The following STK24 variants were observed in gnomAD, a reference collection of about 807,000 sequenced individuals.
STK24 encodes the protein serine/threonine-protein kinase 24.
A neutral mutation model predicts 55.6 loss-of-function variants in STK24; 21 were observed. The observed-to-expected ratio is 0.38, with a 90% CI of 0.27 to 0.54. STK24 has a LOEUF of 0.54. Among genes scored for constraint, STK24 ranks in the 20% least tolerant of loss-of-function variants. The pLI is 0.79. For synonymous variants in STK24, 200 were observed against 215.2 expected (o/e 0.93, Z 0.62); for missense variants, 383 against 538.4 (o/e 0.71, Z 2.86).
intron 1 of STK24, among the ~76,000 whole-genome samples, chr13:98,568,967 G>C (rs771336990): frequency 6.6e-6 from 1 of 152,144 alleles, no homozygotes; most frequent in Non-Finnish European, 1.5e-5. Flanking sequence ...AAAATGGAAG[G>C]GGGGAGGGGA....
At chr13:98,514,092 T>A (rs1411091485) in intron 2 of STK24, among the ~76,000 whole-genome samples, 6 of 152,356 alleles carry the variant, frequency 3.9e-5, no homozygotes, top group East Asian at 3.9e-4. Flanking sequence ...TGGGCAAGGC[T>A]GAGAATCACG....
intron 2 of STK24, 45 bp downstream of exon 2, chr13:98,519,198 A>G (rs750566472): frequency 1.3e-6 from 2 of 1,524,962 alleles, no homozygotes; most frequent in Non-Finnish European, 9.1e-7. Context: ...CTGGCACCTC[A>G]GCCAAGTGCT....
At chr13:98,499,887 C>T (rs1452880926) in intron 2 of STK24, among the ~76,000 whole-genome samples, 2 of 152,114 alleles carry the variant, frequency 1.3e-5, no homozygotes, top group South Asian at 2.1e-4. Flanking sequence ...GCAGAGAACA[C>T]GAAAAATTGA....
intron 10 of STK24, chr13:98,456,829 TACAC>T: frequency 2.4e-6 from 1 of 417,696 alleles, no homozygotes; most frequent in South Asian, 2.3e-5. Context: ...GATAGATAGT[TACAC>T]ACATCTGGCT....
intron 6 of STK24, among the ~76,000 whole-genome samples, chr13:98,465,145 G>A (rs989816295): frequency 6.6e-6 from 1 of 152,196 alleles, no homozygotes; most frequent in Non-Finnish European, 1.5e-5. Flanking sequence ...GGAACAGACA[G>A]CAGGAACACC....
At chr13:98,481,662 C>A (rs891868263) in intron 3 of STK24, among the ~76,000 whole-genome samples, 1 of 152,218 alleles carries the variant, frequency 6.6e-6, no homozygotes, top group African/African-American at 2.4e-5. Flanking sequence ...CCCAGCTGTT[C>A]TCAGTTGAGA....
At chr13:98,549,015 C>T (rs978651560) in intron 1 of STK24, among the ~76,000 whole-genome samples, 1 of 152,132 alleles carries the variant, frequency 6.6e-6, no homozygotes, top group Non-Finnish European at 1.5e-5. Flanking sequence ...GGTCATGAGG[C>T]CTCCTGCAAT....
At position 98,576,880 on chromosome 13, in the gene STK24, G is replaced by A; in HGVS notation, c.-94C>T. 1 of 866,730 alleles carries A rather than the reference G, an allele frequency of 1.2e-6. No homozygotes were observed. The highest frequency in any genetic ancestry group is 1.4e-6 in the Non-Finnish European group (1 of 723,792). The allele number at this position is 866,730 out of a possible 1,614,324, so 53.7% of individuals were successfully genotyped here. On this transcript the variant is annotated 5_prime_UTR_variant, in exon 1 of 11. Transcript: ENST00000539966. ...CCCGCGGGCCGCGCGCAGCCCTCGG[G>A]CGGCGGGGCCGGCCGGAGCCCGAGG...
chr13:98,561,977 CA>C (rs10564690), intron 1 of STK24, among the ~76,000 whole-genome samples: 1,356 of 53,624 alleles, frequency 0.025, 4 homozygotes, highest in African/African-American at 0.083. Flanking sequence ...GACTCCGTCT[CA>C]AAAAAAAAAA....
intron 5 of STK24, among the ~76,000 whole-genome samples, chr13:98,470,891 TAATC>T (rs1894118755): frequency 1.3e-5 from 2 of 152,374 alleles, no homozygotes; most frequent in South Asian, 4.1e-4. Context: ...ATCACAGCTG[TAATC>T]AATCAAAACA....
intron 1 of STK24, among the ~76,000 whole-genome samples, chr13:98,559,451 G>A (rs1442454112): frequency 1.3e-5 from 2 of 152,148 alleles, no homozygotes; most frequent in Non-Finnish European, 2.9e-5. Context: ...CTTCCGCCAT[G>A]ACTGTGAGGC....
intron 2 of STK24, among the ~76,000 whole-genome samples, chr13:98,511,116 G>A (rs1236390947): frequency 6.6e-6 from 1 of 152,096 alleles, no homozygotes; most frequent in Non-Finnish European, 1.5e-5. Context: ...CTCCCACCTC[G>A]GCTTTCCAAA....
chr13:98,576,598 G>T (rs1897901432), intron 1 of STK24, 147 bp downstream of exon 1: 3 of 565,118 alleles, frequency 5.3e-6, no homozygotes, highest in Admixed American at 9.8e-5. Context: ...ACTCGGACTC[G>T]GACCCCCGGC....
At chr13:98,488,464 G>A (rs1194994251) in intron 2 of STK24, among the ~76,000 whole-genome samples, 1 of 152,016 alleles carries the variant, frequency 6.6e-6, no homozygotes, top group Admixed American at 6.6e-5. Context: ...ATATATTGAA[G>A]AGTCATGCAT....
chr13:98,481,979 A>G (rs1189701568), intron 3 of STK24, among the ~76,000 whole-genome samples: 1 of 151,986 alleles, frequency 6.6e-6, no homozygotes, highest in Non-Finnish European at 1.5e-5. Flanking sequence ...AGGCACAAAA[A>G]TCGCTTGTAC....
chr13:98,561,977 C>CAAAAAAA (rs10564690), intron 1 of STK24, among the ~76,000 whole-genome samples: 3 of 53,618 alleles, frequency 5.6e-5, no homozygotes, highest in Non-Finnish European at 3.6e-5. Context: ...GACTCCGTCT[C>CAAAAAAA]AAAAAAAAAA....
rs1164720329 is a variant in STK24 at position 98,569,425 on chromosome 13, A to C, written c.42+7320T>G. On this transcript the variant is annotated intron_variant, in intron 1 of 10. Transcript: ENST00000539966. ...ATGACAGCAGAGACAAAAAAAAAAAAACAAAAAAAAACAAAACAGATATTC... is the reference window on the plus strand; with the variant it reads ...ATGACAGCAGAGACAAAAAAAAAAACACAAAAAAAAACAAAACAGATATTC... Among the ~76,000 whole-genome samples the C allele has an allele frequency of 8.1e-3, 1,177 of 145,166 alleles. 22 individuals are homozygous for C. The highest frequency in any genetic ancestry group is 0.027 in the African/African-American group (1,063 of 39,104).
At chr13:98,539,930 T>A (rs902298913) in intron 1 of STK24, among the ~76,000 whole-genome samples, 1 of 152,106 alleles carries the variant, frequency 6.6e-6, no homozygotes, top group African/African-American at 2.4e-5. Flanking sequence ...CACAGCGACA[T>A]GATTCACAGT....
In STK24 at chr13:98,504,204, CA is replaced by C. The variant is rs138590566; in HGVS notation, c.273+15038del. ...CCCTGCAGCCTAACTTAACTGAAGA[CA>C]AAAAAAAAACAAACTTTAAAACAAC... is the stretch of plus-strand genomic sequence containing the variant. On this transcript the variant is annotated intron_variant, in intron 2 of 10. Transcript: ENST00000539966. Among the ~76,000 whole-genome samples the C allele has an allele frequency of 1.8e-3, 270 of 146,824 alleles. 1 individual carries two copies. In the South Asian group the frequency reaches 0.034, roughly 18 times the overall value.
Sources: gnomAD v4.1 joint callset for allele counts (sites outside exome capture counted in the v4.1 genomes callset) on GRCh38, gnomAD v4.1.1 for gene constraint, MANE v1.5 for transcripts, NCBI Gene and HGNC (gene_info 2026-07-23, HGNC 2026-07-21) for gene names.